DGKB: variants seen among roughly 807,000 people sequenced by gnomAD.
The protein encoded by DGKB is diacylglycerol kinase beta.
A neutral mutation model predicts 114.3 loss-of-function variants in DGKB; 67 were observed. The observed-to-expected ratio is 0.59, with a 90% CI of 0.48 to 0.72. The LOEUF (loss-of-function observed/expected upper bound fraction) is 0.72. Among genes scored for constraint, DGKB ranks in the 30% least tolerant of loss-of-function variants. DGKB has a pLI of 0.00. For missense variants in DGKB, 907 were observed against 975.2 expected (o/e 0.93, Z 0.93); for synonymous variants, 398 against 323.1 (o/e 1.23, Z -2.49).
chr7:14,960,252 A>T (rs1191057458), intron 1 of DGKB, among the ~76,000 whole-genome samples: 1 of 152,096 alleles, frequency 6.6e-6, no homozygotes, highest in African/African-American at 2.4e-5. Context: ...TTTTGCTGCC[A>T]CTCAAAACAG....
At chr7:14,491,365 G>A (rs1784575426) in intron 20 of DGKB, among the ~76,000 whole-genome samples, 2 of 151,968 alleles carry the variant, frequency 1.3e-5, no homozygotes, top group African/African-American at 4.8e-5. Flanking sequence ...CTTCTGTCAT[G>A]ATTGTGAGAT....
At chr7:14,485,096 C>A (rs1428224079) in intron 20 of DGKB, among the ~76,000 whole-genome samples, 1 of 141,508 alleles carries the variant, frequency 7.1e-6, no homozygotes, top group Non-Finnish European at 1.5e-5. Flanking sequence ...CACACACACA[C>A]CACACACACA....
chr7:14,852,487 C>CAAAAAAAAACAAAAAAAAAA (rs1554304221), intron 1 of DGKB, among the ~76,000 whole-genome samples: 2 of 63,616 alleles, frequency 3.1e-5, no homozygotes, highest in African/African-American at 6.7e-5. Context: ...TAGTGAAAGT[C>CAAAAAAAAACAAAAAAAAAA]AAAAAAAAAA....
intron 3 of DGKB, among the ~76,000 whole-genome samples, chr7:14,756,162 T>C (rs1360438639): frequency 1.3e-5 from 2 of 152,080 alleles, no homozygotes; most frequent in Non-Finnish European, 1.5e-5. Context: ...CCAGCAGCTA[T>C]CATTATGGAG....
chr7:14,939,355 C>T (rs1469625451), intron 1 of DGKB, among the ~76,000 whole-genome samples: 4 of 152,056 alleles, frequency 2.6e-5, no homozygotes, highest in South Asian at 2.1e-4. Flanking sequence ...TAGTGCTTAT[C>T]GCATTATCAA....
At chr7:14,696,678 T>A (rs1823994978) in intron 8 of DGKB, among the ~76,000 whole-genome samples, 1 of 152,048 alleles carries the variant, frequency 6.6e-6, no homozygotes, top group Non-Finnish European at 1.5e-5. Flanking sequence ...ACAGAAATAA[T>A]CAGAAATTCC....
At chr7:14,815,541 C>T (rs1469698412) in intron 2 of DGKB, among the ~76,000 whole-genome samples, 2 of 152,222 alleles carry the variant, frequency 1.3e-5, no homozygotes, top group Admixed American at 1.3e-4. Context: ...TTATTTTTTT[C>T]TCTTGCTTAC....
At chr7:14,290,558 G>C (rs764301841) in intron 23 of DGKB, among the ~76,000 whole-genome samples, 1 of 151,954 alleles carries the variant, frequency 6.6e-6, no homozygotes, top group African/African-American at 2.4e-5. Context: ...AGGCTGCCTC[G>C]GTACCCTCTA....
intron 1 of DGKB, among the ~76,000 whole-genome samples, chr7:14,909,778 T>G (rs944073113): frequency 6.6e-6 from 1 of 152,004 alleles, no homozygotes; most frequent in African/African-American, 2.4e-5. Flanking sequence ...GGTGGAATAG[T>G]TTTTTTTATA....
chr7:14,642,866 C>T (rs1468703005), intron 13 of DGKB, among the ~76,000 whole-genome samples: 2 of 152,148 alleles, frequency 1.3e-5, no homozygotes, highest in Non-Finnish European at 2.9e-5. Flanking sequence ...ACTTTAGAAT[C>T]AGACATATAT....
chr7:14,917,135 G>C (rs1784280779), intron 1 of DGKB, among the ~76,000 whole-genome samples: 1 of 151,914 alleles, frequency 6.6e-6, no homozygotes. Flanking sequence ...AACAAAAGCA[G>C]GCTGAGAGGG....
chr7:14,601,657 A>T (rs2128765723), intron 17 of DGKB, among the ~76,000 whole-genome samples: 1 of 152,200 alleles, frequency 6.6e-6, no homozygotes, highest in South Asian at 2.1e-4. Context: ...TTGCTTAGAG[A>T]TTTCTTTTAC....
intron 1 of DGKB, among the ~76,000 whole-genome samples, chr7:14,924,605 C>T (rs796110540): frequency 2.0e-5 from 3 of 152,114 alleles, no homozygotes; most frequent in African/African-American, 4.8e-5. Context: ...TTCACTAGTG[C>T]CCTCTTCAGA....
chr7:14,693,513 G>A (rs1406347377), intron 9 of DGKB, among the ~76,000 whole-genome samples: 2 of 151,488 alleles, frequency 1.3e-5, no homozygotes, highest in African/African-American at 4.8e-5. Flanking sequence ...TAAGAACCTG[G>A]CTCCTGCTGA....
At chr7:14,647,326 C>T (rs1813246408) in intron 13 of DGKB, among the ~76,000 whole-genome samples, 1 of 151,910 alleles carries the variant, frequency 6.6e-6, no homozygotes, top group African/African-American at 2.4e-5. Flanking sequence ...AAAAAGTCTC[C>T]CAAAAAGAAA....
Position 14,685,359 on chromosome 7 carries a change from C to A in DGKB, c.715G>T (p.Val239Leu). ...CACACGTGCTGTCCATCATCCTTCA[C>A]GTTCTGCATGGGACGTAAGAGAAAC... Reference protein sequence around the residue: ...LLVLLGLENNVKDDGQHVWRL... With the variant: ...LLVLLGLENNLKDDGQHVWRL... The change falls in exon 10 of 26, where the codon GTG becomes TTG. Residue 239 changes from valine to leucine, a missense_variant. By Grantham distance (32) the Val-to-Leu change is conservative. Around this residue, in one of 3 missense-constraint regions of DGKB, gnomAD observed 814 missense variants for 856.6 expected, o/e 0.95. Coordinates refer to ENST00000402815, the MANE Select transcript of DGKB (RefSeq NM_001350709.2). 2.5e-6 allele frequency: 4 copies of A among 1,610,118 alleles called. No individual in the cohort carries two copies. Among genetic ancestry groups the A allele is most frequent in the Non-Finnish European group, 3.4e-6 (4 of 1,176,596 alleles).
intron 2 of DGKB, among the ~76,000 whole-genome samples, chr7:14,805,287 A>G (rs1842659813): frequency 6.6e-6 from 1 of 152,106 alleles, no homozygotes; most frequent in Non-Finnish European, 1.5e-5. Context: ...CCATCTACAC[A>G]TTGCAGGCTG....
intron 15 of DGKB, among the ~76,000 whole-genome samples, chr7:14,616,770 C>T (rs2128805631): frequency 6.6e-6 from 1 of 151,732 alleles, no homozygotes; most frequent in Non-Finnish European, 1.5e-5. Flanking sequence ...TCTACAGAGC[C>T]CTGTGTCTTT....
At chr7:14,304,840 T>G (rs1347525967) in intron 23 of DGKB, among the ~76,000 whole-genome samples, 1 of 152,190 alleles carries the variant, frequency 6.6e-6, no homozygotes, top group Non-Finnish European at 1.5e-5. Context: ...TTCTTGATAT[T>G]GACTATTTTT....
Sources: gnomAD v4.1 joint callset for allele counts (sites outside exome capture counted in the v4.1 genomes callset) on GRCh38, gnomAD v4.1.1 for gene constraint, gnomAD v4.1.1 regional missense constraint, MANE v1.5 for transcripts, NCBI Gene and HGNC (gene_info 2026-07-23, HGNC 2026-07-21) for gene names.